The following CSMD1 variants were observed in gnomAD, a reference collection of about 807,000 sequenced individuals.
CSMD1 encodes the protein CUB and sushi domain-containing protein 1.
Under a neutral mutation model 417.5 loss-of-function variants are expected in CSMD1, and 213 were observed. The ratio of observed to expected loss-of-function variants is 0.51; its 90% CI spans 0.46 to 0.57. The LOEUF (loss-of-function observed/expected upper bound fraction) is 0.57, where lower values mean the gene tolerates loss of function less well. CSMD1 is among the 20% of genes least tolerant of loss of function. CSMD1 has a pLI of 0.00. For missense variants in CSMD1, 6,923 were observed against 4,529.7 expected (o/e 1.53, Z -15.17); for synonymous variants, 2,862 against 1,736.8 (o/e 1.65, Z -16.11).
At chr8:4,449,369 G>A (rs765193242) in intron 2 of CSMD1, among the ~76,000 whole-genome samples, 1 of 152,120 alleles carries the variant, frequency 6.6e-6, no homozygotes, top group African/African-American at 2.4e-5. Flanking sequence ...TTTCCAGAAT[G>A]ATTCTGGTGT....
intron 1 of CSMD1, among the ~76,000 whole-genome samples, chr8:4,973,909 G>T (rs1810393442): frequency 6.6e-6 from 1 of 152,144 alleles, no homozygotes; most frequent in Non-Finnish European, 1.5e-5. Flanking sequence ...TTTCTCCAAA[G>T]TCTGTCTGTT....
intron 10 of CSMD1, among the ~76,000 whole-genome samples, chr8:3,528,403 G>A (rs10216698): frequency 6.6e-6 from 1 of 152,234 alleles, no homozygotes; most frequent in Non-Finnish European, 1.5e-5. Flanking sequence ...TAGCACTCGT[G>A]GGGGAAGGAG....
rs115210871 is a variant in CSMD1, at chr8:3,323,142, T to G, written c.3632-14639A>C. 5.2e-3 allele frequency among the ~76,000 whole-genome samples: 789 copies of G among 152,304 alleles called. 4 individuals carry two copies. The highest frequency in any genetic ancestry group is 0.018 in the African/African-American group (748 of 41,554). On this transcript the variant is annotated intron_variant, in intron 23 of 69. Transcript: ENST00000635120. ...GTGTTTTTGTCTAACATTGTCTTAT[T>G]AGTAGGTTGTATGATGTCCAATGGG...
At chr8:4,437,869 G>A (rs1002298377) in intron 2 of CSMD1, among the ~76,000 whole-genome samples, 3 of 152,126 alleles carry the variant, frequency 2.0e-5, no homozygotes, top group East Asian at 3.9e-4. Context: ...CTGCCTCACT[G>A]GTGTAGAATT....
At chr8:4,051,747 A>C (rs2130695412) in intron 3 of CSMD1, among the ~76,000 whole-genome samples, 1 of 152,262 alleles carries the variant, frequency 6.6e-6, no homozygotes, top group East Asian at 1.9e-4. Flanking sequence ...GCAAAGAAAC[A>C]CCACTGCTGG....
At chr8:4,248,956 C>T (rs1802882726) in intron 3 of CSMD1, among the ~76,000 whole-genome samples, 3 of 152,146 alleles carry the variant, frequency 2.0e-5, no homozygotes, top group African/African-American at 4.8e-5. Flanking sequence ...TACCATAATG[C>T]TACTTTTAAT....
intron 2 of CSMD1, among the ~76,000 whole-genome samples, chr8:4,426,591 A>G (rs995372917): frequency 7.4e-6 from 1 of 135,846 alleles, no homozygotes; most frequent in African/African-American, 2.7e-5. Flanking sequence ...TATGTGCAGT[A>G]TAGTATATAT....
At chr8:3,881,724 A>G (rs1806220375) in intron 5 of CSMD1, among the ~76,000 whole-genome samples, 1 of 152,136 alleles carries the variant, frequency 6.6e-6, no homozygotes. Flanking sequence ...GGGGCCTTAC[A>G]CTACCAGTTA....
intron 1 of CSMD1, among the ~76,000 whole-genome samples, chr8:4,912,879 G>T (rs1374747000): frequency 1.3e-5 from 2 of 152,004 alleles, no homozygotes; most frequent in African/African-American, 4.8e-5. Flanking sequence ...TCCACCTCCT[G>T]GGTTCAAGTA....
chr8:3,578,138 C>A (rs574839688), intron 9 of CSMD1, among the ~76,000 whole-genome samples: 1 of 152,182 alleles, frequency 6.6e-6, no homozygotes, highest in Non-Finnish European at 1.5e-5. Context: ...GTCTTCCCTC[C>A]GTCAGCTTCC....
chr8:4,788,732 C>G (rs145020338), intron 1 of CSMD1: 3 of 423,752 alleles, frequency 7.1e-6, no homozygotes, highest in East Asian at 3.4e-5. Context: ...TAGATCCATA[C>G]TAATAAACAT....
At chr8:4,087,577 T>G (rs1407681081) in intron 3 of CSMD1, among the ~76,000 whole-genome samples, 1 of 152,116 alleles carries the variant, frequency 6.6e-6, no homozygotes, top group African/African-American at 2.4e-5. Context: ...TACACTTGAT[T>G]TCATTATCTG....
At chr8:4,950,641 G>C (rs1364104045) in intron 1 of CSMD1, among the ~76,000 whole-genome samples, 1 of 152,142 alleles carries the variant, frequency 6.6e-6, no homozygotes, top group Admixed American at 6.6e-5. Flanking sequence ...ATTTGTCATT[G>C]TTTTAAATGG....
intron 23 of CSMD1, among the ~76,000 whole-genome samples, chr8:3,313,728 T>C (rs1805537985): frequency 6.6e-6 from 1 of 152,200 alleles, no homozygotes; most frequent in Non-Finnish European, 1.5e-5. Flanking sequence ...CTCAGGGATC[T>C]AGAACTAGAA....
rs115095693 is a variant in CSMD1, at chr8:4,063,855, T to C, written c.416-31756A>G. 2.7e-3 allele frequency among the ~76,000 whole-genome samples: 414 copies of C among 152,370 alleles called. 2 individuals carry two copies. The highest frequency in any genetic ancestry group is 9.6e-3 in the African/African-American group (399 of 41,590). On this transcript the variant is annotated intron_variant, in intron 3 of 69. Transcript: ENST00000635120. Reference sequence around the variant, plus strand: ...GAAGGAACCAGGAGTAGACTATGACTTTGTCACATCAGCATTTTACACGTA... The same window carrying C: ...GAAGGAACCAGGAGTAGACTATGACCTTGTCACATCAGCATTTTACACGTA...
intron 3 of CSMD1, among the ~76,000 whole-genome samples, chr8:4,317,524 G>T (rs1799003023): frequency 6.6e-6 from 1 of 152,028 alleles, no homozygotes; most frequent in East Asian, 1.9e-4. Flanking sequence ...GACTTTTCTT[G>T]GCTGTTTCTT....
At chr8:4,235,267 C>T (rs1002726133) in intron 3 of CSMD1, among the ~76,000 whole-genome samples, 17 of 151,752 alleles carry the variant, frequency 1.1e-4, no homozygotes, top group African/African-American at 3.4e-4. Context: ...TCGTAGGCTA[C>T]ATCATAAAAC....
At chr8:3,921,226 G>T (rs1343441292) in intron 5 of CSMD1, among the ~76,000 whole-genome samples, 4 of 151,988 alleles carry the variant, frequency 2.6e-5, no homozygotes. Context: ...AATTTTTACA[G>T]TATTGTATTT....
intron 3 of CSMD1, among the ~76,000 whole-genome samples, chr8:4,356,883 A>G (rs1046542098): frequency 6.6e-6 from 1 of 152,226 alleles, no homozygotes; most frequent in African/African-American, 2.4e-5. Context: ...GGCTGAAACT[A>G]TAATGAATTT....
Sources: allele counts gnomAD v4.1 joint callset (sites outside exome capture counted in the v4.1 genomes callset), GRCh38; gene constraint gnomAD v4.1.1; transcripts MANE v1.5; gene names NCBI Gene and HGNC (gene_info 2026-07-23, HGNC 2026-07-21).